Variants in CBLB observed in about 807,000 individuals in gnomAD.
CBLB encodes E3 ubiquitin-protein ligase CBL-B.
Under a neutral mutation model 104.9 loss-of-function variants are expected in CBLB, and 31 were observed. The ratio of observed to expected loss-of-function variants is 0.30; its 90% CI spans 0.22 to 0.40. The LOEUF is 0.40. Among genes scored for constraint, CBLB ranks in the 10% least tolerant of loss-of-function variants. The pLI is 1.00. For synonymous variants in CBLB, 440 were observed against 422.6 expected (o/e 1.04, Z -0.51); for missense variants, 1,062 against 1,214.6 (o/e 0.87, Z 1.87).
Position 105,659,147 on chromosome 3 carries a change from C to T in CBLB, c.2772G>A (p.Gly924=), listed in dbSNP as rs2152659596. 1 of 1,613,964 alleles carries T rather than the reference C, an allele frequency of 6.2e-7. No individual in the cohort carries two copies. Among genetic ancestry groups the T allele is most frequent in the Non-Finnish European group, 8.5e-7 (1 of 1,179,936 alleles). ...CGACATTTTCCAATGCCGCCTCAGG[C>T]CCATGGGGTTTTCTGTGGTGAATTT... The part of the protein sequence containing the change: ...APEIHHRKPH[G]PEAALENVDA... Residue 924 remains glycine (G), a synonymous_variant, in exon 19 of 19, where the codon GGG becomes GGA. Coordinates refer to ENST00000394030, the MANE Select transcript of CBLB (RefSeq NM_170662.5).
At chr3:105,825,376 G>A (rs1042169968) in intron 3 of CBLB, among the ~76,000 whole-genome samples, 1 of 152,162 alleles carries the variant, frequency 6.6e-6, no homozygotes, top group South Asian at 2.1e-4. Context: ...ACCTGGGATG[G>A]AAAGAGAAAG....
At chr3:105,663,480 T>C (rs2064036358) in intron 18 of CBLB, among the ~76,000 whole-genome samples, 1 of 152,126 alleles carries the variant, frequency 6.6e-6, no homozygotes, top group Non-Finnish European at 1.5e-5. Flanking sequence ...GCAACACTTG[T>C]GCCTGGGTCG....
chr3:105,791,206 A>C (rs1044424974), intron 3 of CBLB, among the ~76,000 whole-genome samples: 1 of 152,222 alleles, frequency 6.6e-6, no homozygotes, highest in Non-Finnish European at 1.5e-5. Flanking sequence ...CAAGCAAAAG[A>C]AAACAATAGT....
intron 11 of CBLB, among the ~76,000 whole-genome samples, chr3:105,703,529 T>G (rs1207482818): frequency 1.3e-5 from 2 of 152,156 alleles, no homozygotes; most frequent in African/African-American, 4.8e-5. Flanking sequence ...TTCTCCAGGT[T>G]TAAAAACTAC....
chr3:105,860,528 C>T (rs2092000866), intron 2 of CBLB, among the ~76,000 whole-genome samples: 1 of 152,184 alleles, frequency 6.6e-6, no homozygotes, highest in African/African-American at 2.4e-5. Flanking sequence ...ACTAGCTTTA[C>T]AACCTTGGGC....
intron 10 of CBLB, among the ~76,000 whole-genome samples, chr3:105,712,289 C>A (rs2071224796): frequency 6.6e-6 from 1 of 152,148 alleles, no homozygotes; most frequent in African/African-American, 2.4e-5. Context: ...TTTATGCAAG[C>A]TACCCTCAAA....
chr3:105,780,304 T>C (rs1441142038), intron 3 of CBLB, among the ~76,000 whole-genome samples: 1 of 152,200 alleles, frequency 6.6e-6, no homozygotes, highest in Non-Finnish European at 1.5e-5. Flanking sequence ...AATTTTTCCA[T>C]ACTTAGCCAA....
At chr3:105,800,034 C>A (rs2082661674) in intron 3 of CBLB, among the ~76,000 whole-genome samples, 1 of 152,138 alleles carries the variant, frequency 6.6e-6, no homozygotes, top group South Asian at 2.1e-4. Context: ...TATGTGATGT[C>A]CTGGTAAAAA....
chr3:105,771,243 G>C (rs913336528), intron 4 of CBLB, among the ~76,000 whole-genome samples: 1 of 152,078 alleles, frequency 6.6e-6, no homozygotes, highest in African/African-American at 2.4e-5. Flanking sequence ...ACATATGTAA[G>C]TTAATAAATG....
intron 3 of CBLB, among the ~76,000 whole-genome samples, chr3:105,796,245 T>C (rs2082245993): frequency 6.6e-6 from 1 of 151,996 alleles, no homozygotes; most frequent in Non-Finnish European, 1.5e-5. Flanking sequence ...CAAAAATAGA[T>C]ACAAAGGCCA....
At chr3:105,869,075 G>T (rs1017365640), upstream of CBLB, 8 of 1,038,290 alleles carry the variant, frequency 7.7e-6, no homozygotes, top group Non-Finnish European at 9.6e-6. Context: ...GGGCGGGGCC[G>T]GGCGCCGCTG....
Position 105,681,745 on chromosome 3 carries a change from C to T in CBLB, c.2275G>A (p.Asp759Asn). The T allele has an allele frequency of 6.2e-7, 1 of 1,609,190 alleles. No individual in the cohort carries two copies. Among genetic ancestry groups the T allele is most frequent in the Non-Finnish European group, 8.5e-7 (1 of 1,175,692 alleles). ...GTACCCTTTAAATATATGCTTAAGT[C>T]AGGGATGTTTGATTTCTTCTCTGAA... ...PSSEKKSNIPDLSIYLKGDVF... is the reference protein window; with the variant it reads ...PSSEKKSNIPNLSIYLKGDVF... Residue 759 changes from aspartate to asparagine, a missense_variant, in exon 15 of 19, where the codon GAC becomes AAC. Physicochemically the swap from Asp to Asn is conservative, Grantham distance 23. Coordinates refer to ENST00000394030, the MANE Select transcript of CBLB (RefSeq NM_170662.5).
At chr3:105,671,334 G>A (rs781281233) in intron 17 of CBLB, 5 of 213,346 alleles carry the variant, frequency 2.3e-5, no homozygotes, top group East Asian at 1.4e-4. Context: ...TGAAAGTACC[G>A]TCAATTCTTC....
At chr3:105,811,443 A>G (rs1194805236) in intron 3 of CBLB, among the ~76,000 whole-genome samples, 1 of 152,288 alleles carries the variant, frequency 6.6e-6, no homozygotes, top group African/African-American at 2.4e-5. Context: ...ACAAGTTTAT[A>G]AACTTCTATT....
At chr3:105,848,279 CT>C (rs1381843621) in intron 3 of CBLB, among the ~76,000 whole-genome samples, 7 of 152,018 alleles carry the variant, frequency 4.6e-5, no homozygotes, top group Admixed American at 1.3e-4. Flanking sequence ...CTGCTCATGC[CT>C]TTTCTCTACT....
At chr3:105,852,673 C>CT (rs1176120319) in intron 3 of CBLB, among the ~76,000 whole-genome samples, 8 of 151,652 alleles carry the variant, frequency 5.3e-5, no homozygotes, top group African/African-American at 1.7e-4. Flanking sequence ...CACTCACTCA[C>CT]TTCCAGTCTG....
intron 4 of CBLB, chr3:105,762,487 A>T (rs1218506023): frequency 6.6e-6 from 1 of 152,296 alleles, no homozygotes; most frequent in African/African-American, 2.4e-5. Flanking sequence ...CATCCCAGCC[A>T]TGGCTATAAG....
intron 8 of CBLB, among the ~76,000 whole-genome samples, chr3:105,734,551 G>A (rs552611126): frequency 1.9e-4 from 29 of 152,000 alleles, no homozygotes; most frequent in Admixed American, 4.6e-4. Context: ...ATGATACTTG[G>A]CTAAACATTA....
intron 2 of CBLB, among the ~76,000 whole-genome samples, chr3:105,858,613 C>T (rs1471320850): frequency 6.6e-6 from 1 of 152,182 alleles, no homozygotes; most frequent in Admixed American, 6.5e-5. Context: ...GGTTCAATAG[C>T]AATATTGCTC....
Sources: allele counts gnomAD v4.1 joint callset (sites outside exome capture counted in the v4.1 genomes callset), GRCh38; gene constraint gnomAD v4.1.1; transcripts MANE v1.5; gene names NCBI Gene and HGNC (gene_info 2026-07-23, HGNC 2026-07-21).